The following RBFOX1 variants were observed in gnomAD, a reference collection of about 807,000 sequenced individuals.
RBFOX1 encodes the protein RNA binding fox-1 homolog 1.
Under a neutral mutation model 57.7 loss-of-function variants are expected in RBFOX1, and 8 were observed. That is an observed-to-expected ratio of 0.14 (90% confidence interval 0.08 to 0.25). The LOEUF (loss-of-function observed/expected upper bound fraction) is 0.25. RBFOX1 is among the 10% of genes least tolerant of loss of function. RBFOX1 has a pLI of 1.00. For missense variants in RBFOX1, 611 were observed against 548.5 expected (o/e 1.11, Z -1.14); for synonymous variants, 326 against 222.4 (o/e 1.47, Z -4.15).
intron 4 of RBFOX1, among the ~76,000 whole-genome samples, chr16:7,264,165 C>T (rs1341622482): frequency 2.0e-5 from 3 of 152,108 alleles, no homozygotes; most frequent in Admixed American, 6.6e-5. Flanking sequence ...GTGCTAGGCT[C>T]CTGGACTCCA....
At chr16:7,697,690 C>CA (rs1275052103) in intron 14 of RBFOX1, among the ~76,000 whole-genome samples, 2 of 152,112 alleles carry the variant, frequency 1.3e-5, no homozygotes, top group African/African-American at 4.8e-5. Flanking sequence ...CATCTGATGC[C>CA]AAAACCCTTC....
intron 2 of RBFOX1, among the ~76,000 whole-genome samples, chr16:6,474,119 G>T (rs915685417): frequency 1.3e-5 from 2 of 152,086 alleles, no homozygotes; most frequent in Admixed American, 6.6e-5. Flanking sequence ...GTGTCCATTT[G>T]TGTATGCAGT....
At chr16:7,349,511 CACAG>C (rs558824131) in intron 4 of RBFOX1, among the ~76,000 whole-genome samples, 92 of 145,354 alleles carry the variant, frequency 6.3e-4, no homozygotes, top group Middle Eastern at 6.9e-3. Context: ...TCAGAATGTG[CACAG>C]AAAATTTAAA....
chr16:5,573,893 G>T (rs186560778), intron 2 of RBFOX1, among the ~76,000 whole-genome samples: 1 of 152,322 alleles, frequency 6.6e-6, no homozygotes, highest in East Asian at 1.9e-4. Context: ...GGTCAAGGCT[G>T]AGGTGAGCTG....
chr16:6,556,581 C>T (rs2097101368), intron 2 of RBFOX1, among the ~76,000 whole-genome samples: 1 of 152,122 alleles, frequency 6.6e-6, no homozygotes, highest in Non-Finnish European at 1.5e-5. Context: ...ACATTCTTGT[C>T]ATTTTCCAGA....
At chr16:6,404,688 C>T (rs556775947) in intron 2 of RBFOX1, among the ~76,000 whole-genome samples, 6 of 152,186 alleles carry the variant, frequency 3.9e-5, no homozygotes, top group African/African-American at 9.6e-5. Context: ...ACCAGGCAAA[C>T]TTGGGTGGTT....
At chr16:6,013,196 C>T (rs186219654) in intron 4 of RBFOX1, among the ~76,000 whole-genome samples, 30 of 152,162 alleles carry the variant, frequency 2.0e-4, no homozygotes, top group East Asian at 1.4e-3. Flanking sequence ...TCATGAGCTC[C>T]GTTCTGTTAT....
chr16:5,459,810 G>C (rs1004959590), intron 1 of RBFOX1, among the ~76,000 whole-genome samples: 7 of 151,998 alleles, frequency 4.6e-5, no homozygotes, highest in Admixed American at 2.6e-4. Flanking sequence ...TGAGCTCAGA[G>C]ACTGCTTACA....
chr16:6,209,935 T>C (rs2097281980), intron 1 of RBFOX1, among the ~76,000 whole-genome samples: 1 of 152,138 alleles, frequency 6.6e-6, no homozygotes. Flanking sequence ...GACAAGAGCT[T>C]GTATTTCTGT....
At chr16:6,822,166 G>A (rs115725341) in intron 3 of RBFOX1, among the ~76,000 whole-genome samples, 4,102 of 152,244 alleles carry the variant, frequency 0.027, 200 homozygotes, top group African/African-American at 0.095. Flanking sequence ...GTGCCAAGTC[G>A]AGGCATTGTA....
chr16:7,150,411 G>A (rs540730349), intron 4 of RBFOX1, among the ~76,000 whole-genome samples: 1 of 152,124 alleles, frequency 6.6e-6, no homozygotes, highest in Non-Finnish European at 1.5e-5. Context: ...TGGTCCCCGG[G>A]CTGTATTTGA....
At position 6,854,234 on chromosome 16, in the gene RBFOX1, C is replaced by T. The variant is rs559868981; in HGVS notation, c.-15-197823C>T. Reference sequence around the variant, plus strand: ...TCATCTTCACTGAGTTCCATTAACACGGAGGGACATATACCATTAGCACCA... The same window carrying T: ...TCATCTTCACTGAGTTCCATTAACATGGAGGGACATATACCATTAGCACCA... On this transcript the variant is annotated intron_variant, in intron 3 of 15. Coordinates refer to ENST00000550418, the MANE Select transcript of RBFOX1 (RefSeq NM_018723.4). Among the ~76,000 whole-genome samples the T allele has an allele frequency of 4.6e-5, 7 of 152,088 alleles. No homozygotes were observed. The East Asian group carries it at 5.8e-4, about 13-fold the overall frequency.
intron 2 of RBFOX1, among the ~76,000 whole-genome samples, chr16:6,626,469 C>G (rs762645000): frequency 2.0e-5 from 3 of 152,124 alleles, no homozygotes; most frequent in Admixed American, 6.5e-5. Context: ...GATTAAGGTA[C>G]AGAATTCACG....
At chr16:6,738,005 G>C (rs1384932024) in intron 3 of RBFOX1, among the ~76,000 whole-genome samples, 1 of 150,992 alleles carries the variant, frequency 6.6e-6, no homozygotes, top group African/African-American at 2.4e-5. Flanking sequence ...ATTGCCACTG[G>C]GAATAATAAT....
chr16:7,126,349 G>A (rs1327436127), intron 4 of RBFOX1: 1 of 263,620 alleles, frequency 3.8e-6, no homozygotes, highest in African/African-American at 2.3e-5. Flanking sequence ...AATCGAGGTG[G>A]GGGTTTTTGG....
At chr16:5,921,851 C>G (rs925969927) in intron 4 of RBFOX1, among the ~76,000 whole-genome samples, 3 of 151,838 alleles carry the variant, frequency 2.0e-5, no homozygotes, top group Non-Finnish European at 4.4e-5. Context: ...AGGAGCCAGG[C>G]TCTTTTAACA....
rs966532213 is a variant in RBFOX1, at chr16:7,384,653, G to C, written c.28-133494G>C. ...CCATGCCAACTTTGGAATTAGTGGAGAGAATATAAGGTAAATAAGACCATC... is the reference window on the plus strand; with the variant it reads ...CCATGCCAACTTTGGAATTAGTGGACAGAATATAAGGTAAATAAGACCATC... On this transcript the variant is annotated intron_variant, in intron 4 of 15. Transcript: ENST00000550418. Among the ~76,000 whole-genome samples, 12 of 152,206 alleles carry C rather than the reference G, an allele frequency of 7.9e-5. No individual in the cohort carries two copies. The South Asian group carries it at 1.7e-3, about 21-fold the overall frequency.
At chr16:6,861,306 T>C (rs1267018633) in intron 3 of RBFOX1, among the ~76,000 whole-genome samples, 2 of 152,144 alleles carry the variant, frequency 1.3e-5, no homozygotes, top group African/African-American at 2.4e-5. Context: ...AAGGTCCCTT[T>C]CGAGTGCATT....
At chr16:5,616,398 G>A (rs758835867) in intron 3 of RBFOX1, among the ~76,000 whole-genome samples, 2 of 152,154 alleles carry the variant, frequency 1.3e-5, no homozygotes. Flanking sequence ...AGGTCCAGGC[G>A]CTGCTCCTGA....
Sources: allele counts gnomAD v4.1 joint callset (sites outside exome capture counted in the v4.1 genomes callset), GRCh38; gene constraint gnomAD v4.1.1; transcripts MANE v1.5; gene names NCBI Gene and HGNC (gene_info 2026-07-23, HGNC 2026-07-21).